RBFOX1: variants seen among roughly 807,000 people sequenced by gnomAD.
RBFOX1 encodes the protein RNA binding protein fox-1 homolog 1.
A neutral mutation model predicts 57.7 loss-of-function variants in RBFOX1; 8 were observed. The observed-to-expected ratio is 0.14, with a 90% CI of 0.08 to 0.25. The LOEUF is 0.25. RBFOX1 is among the 10% of genes least tolerant of loss of function. The pLI, the probability that RBFOX1 is intolerant of heterozygous loss-of-function variation, is 1.00. For synonymous variants in RBFOX1, 326 were observed against 222.4 expected, an observed-to-expected ratio of 1.47 and a Z score of -4.15; for missense variants, 611 against 548.5, an observed-to-expected ratio of 1.11 and a Z score of -1.14.
chr16:5,619,179 A>T (rs199765351), intron 3 of RBFOX1, among the ~76,000 whole-genome samples: 2 of 152,146 alleles, frequency 1.3e-5, no homozygotes, highest in Non-Finnish European at 2.9e-5. Context: ...CTCTAAGGCT[A>T]TGTTCGTTCT....
intron 4 of RBFOX1, among the ~76,000 whole-genome samples, chr16:5,983,744 C>T (rs1361880015): frequency 6.6e-6 from 1 of 152,090 alleles, no homozygotes; most frequent in East Asian, 1.9e-4. Flanking sequence ...TTGTTTCTTC[C>T]ACTCCTGGAG....
At chr16:6,176,313 A>ATT (rs34667158) in intron 1 of RBFOX1, among the ~76,000 whole-genome samples, 2,286 of 95,198 alleles carry the variant, frequency 0.024, 133 homozygotes, top group African/African-American at 0.078. Context: ...GCCTGACCAA[A>ATT]TTTTTTTTTT....
At chr16:6,491,353 A>C (rs2095629010) in intron 2 of RBFOX1, among the ~76,000 whole-genome samples, 3 of 152,124 alleles carry the variant, frequency 2.0e-5, no homozygotes. Flanking sequence ...AAATAAAGAT[A>C]ACTAGTGATA....
chr16:5,425,023 TCCTC>T (rs771985845), intron 1 of RBFOX1, among the ~76,000 whole-genome samples: 112 of 141,188 alleles, frequency 7.9e-4, no homozygotes, highest in African/African-American at 2.8e-3. Context: ...CTTTCTTGAT[TCCTC>T]CCTCCCTCCC....
At chr16:6,770,249 C>T (rs1390848917) in intron 3 of RBFOX1, among the ~76,000 whole-genome samples, 1 of 152,036 alleles carries the variant, frequency 6.6e-6, no homozygotes, top group Admixed American at 6.6e-5. Context: ...AAGTACTTAC[C>T]ACATCTCCAC....
intron 3 of RBFOX1, among the ~76,000 whole-genome samples, chr16:6,866,829 A>T (rs932300423): frequency 1.3e-5 from 2 of 151,868 alleles, no homozygotes; most frequent in Non-Finnish European, 2.9e-5. Context: ...GGCAGGAGCC[A>T]CCGCGCCCAG....
intron 2 of RBFOX1, among the ~76,000 whole-genome samples, chr16:6,555,704 A>AAAAAC (rs925410023): frequency 1.3e-5 from 2 of 152,122 alleles, no homozygotes; most frequent in African/African-American, 4.8e-5. Flanking sequence ...TGTCTGAAAA[A>AAAAAC]AAAACAAAAC....
chr16:5,916,631 A>C lies in RBFOX1; in HGVS notation c.351+49296A>C, dbSNP rs138718356. Among the ~76,000 whole-genome samples, 694 of 152,086 alleles carry C rather than the reference A, an allele frequency of 4.6e-3. 8 individuals are homozygous for C. The highest frequency in any genetic ancestry group is 0.016 in the African/African-American group (670 of 41,504). On this transcript the variant is annotated intron_variant, in intron 4 of 19. Coordinates refer to the RBFOX1 transcript ENST00000641259. ...TAATTTCAGGGGAAGCAGGAGGAGG[A>C]GGACCTCCTAGAAGGGAGACATAAT...
intron 1 of RBFOX1, among the ~76,000 whole-genome samples, chr16:6,278,193 G>C (rs575241345): frequency 2.0e-5 from 3 of 152,026 alleles, no homozygotes; most frequent in Non-Finnish European, 4.4e-5. Flanking sequence ...TTGTGACCAC[G>C]TTGCCCCTTT....
At chr16:7,488,903 CTA>C (rs2151463373) in intron 4 of RBFOX1, among the ~76,000 whole-genome samples, 1 of 152,270 alleles carries the variant, frequency 6.6e-6, no homozygotes, top group South Asian at 2.1e-4. Context: ...TTATGTTTGT[CTA>C]TACGTTCATC....
chr16:7,057,908 T>C (rs1704185740), intron 4 of RBFOX1, among the ~76,000 whole-genome samples: 1 of 148,288 alleles, frequency 6.7e-6, no homozygotes, highest in African/African-American at 2.5e-5. Flanking sequence ...CTCCGGAGGC[T>C]GAGGCAGGAG....
chr16:7,340,081 A>T (rs1322562760), intron 4 of RBFOX1, among the ~76,000 whole-genome samples: 1 of 152,208 alleles, frequency 6.6e-6, no homozygotes, highest in Non-Finnish European at 1.5e-5. Flanking sequence ...TCTCCAAATC[A>T]ATCATCTAAT....
chr16:7,114,801 G>C (rs1245576989), intron 4 of RBFOX1, among the ~76,000 whole-genome samples: 1 of 152,156 alleles, frequency 6.6e-6, no homozygotes, highest in Non-Finnish European at 1.5e-5. Context: ...GTTGTCCTAA[G>C]TTTTAGGTGT....
At chr16:5,422,668 G>GGAGGGA (rs2067377612) in intron 1 of RBFOX1, among the ~76,000 whole-genome samples, 1 of 121,846 alleles carries the variant, frequency 8.2e-6, no homozygotes, top group South Asian at 3.1e-4. Flanking sequence ...AGGAGGAGGG[G>GGAGGGA]GAGGGAGAGG....
intron 3 of RBFOX1, among the ~76,000 whole-genome samples, chr16:6,964,495 A>G (rs946224066): frequency 1.3e-5 from 2 of 152,188 alleles, no homozygotes; most frequent in African/African-American, 4.8e-5. Flanking sequence ...CAACTGTAAC[A>G]AATTGCACCT....
chr16:7,284,386 G>A (rs7196083), intron 4 of RBFOX1, among the ~76,000 whole-genome samples: 83,732 of 151,930 alleles, frequency 0.55, 24,223 homozygotes, highest in African/African-American at 0.7. Context: ...GCTGTAGTAC[G>A]GTGGCACTAT....
chr16:7,659,955 C>A (rs952409630), intron 12 of RBFOX1, among the ~76,000 whole-genome samples: 8 of 152,078 alleles, frequency 5.3e-5, no homozygotes, highest in African/African-American at 1.9e-4. Flanking sequence ...TATACACATG[C>A]CAGCTAGTTT....
At chr16:7,218,592 G>T (rs149304835) in intron 4 of RBFOX1, among the ~76,000 whole-genome samples, 1 of 150,938 alleles carries the variant, frequency 6.6e-6, no homozygotes, top group Non-Finnish European at 1.5e-5. Flanking sequence ...TTGTTAACCA[G>T]AAGACGTGAT....
Position 7,359,622 on chromosome 16 carries a change from A to C in RBFOX1, c.28-158525A>C, listed in dbSNP as rs1342317342. On this transcript the variant is annotated intron_variant, in intron 4 of 15. Coordinates refer to ENST00000550418, the MANE Select transcript of RBFOX1 (RefSeq NM_018723.4). ...AAACCACTGTTTGCTTCCCCTGTCCACAATGGCTTGCTGTCTACAGCACGT... is the reference window on the plus strand; with the variant it reads ...AAACCACTGTTTGCTTCCCCTGTCCCCAATGGCTTGCTGTCTACAGCACGT... 2.0e-5 allele frequency among the ~76,000 whole-genome samples: 3 copies of C among 152,328 alleles called. No individual in the cohort carries two copies. The East Asian group carries it at 5.8e-4, about 29-fold the overall frequency.
Sources: allele counts gnomAD v4.1 joint callset (sites outside exome capture counted in the v4.1 genomes callset), GRCh38; gene constraint gnomAD v4.1.1; transcripts MANE v1.5; gene names NCBI Gene and HGNC (gene_info 2026-07-23, HGNC 2026-07-21).